The following EXT1 variants were observed in gnomAD, a reference collection of about 807,000 sequenced individuals.
The protein encoded by EXT1 is exostosin glycosyltransferase 1.
A neutral mutation model predicts 82.5 loss-of-function variants in EXT1; 20 were observed. The observed-to-expected ratio is 0.24, with a 90% confidence interval of 0.17 to 0.35. The LOEUF (loss-of-function observed/expected upper bound fraction) is 0.35. Among genes scored for constraint, EXT1 ranks in the 10% least tolerant of loss-of-function variants. EXT1 has a pLI of 1.00. For missense variants in EXT1, 757 were observed against 936.5 expected, an observed-to-expected ratio of 0.81 and a Z score of 2.50; for synonymous variants, 348 against 350.8, an observed-to-expected ratio of 0.99 and a Z score of 0.09.
At chr8:118,108,493 C>T (rs184728612) in intron 1 of EXT1, among the ~76,000 whole-genome samples, 217 of 152,326 alleles carry the variant, frequency 1.4e-3, no homozygotes, top group African/African-American at 5.0e-3. Flanking sequence ...CAGTTCATTA[C>T]TAACCATAGT....
chr8:117,883,980 T>A (rs1030288846), intron 1 of EXT1, among the ~76,000 whole-genome samples: 1 of 152,216 alleles, frequency 6.6e-6, no homozygotes, highest in African/African-American at 2.4e-5. Flanking sequence ...AACCAGCTTA[T>A]GAGTGTCACT....
chr8:117,878,080 C>T (rs973042278), intron 1 of EXT1, among the ~76,000 whole-genome samples: 1 of 152,136 alleles, frequency 6.6e-6, no homozygotes, highest in Non-Finnish European at 1.5e-5. Flanking sequence ...CCAGACCAGC[C>T]TGGCCAACAT....
intron 1 of EXT1, among the ~76,000 whole-genome samples, chr8:117,910,639 A>C (rs768619261): frequency 1.6e-3 from 240 of 152,172 alleles, no homozygotes; most frequent in Non-Finnish European, 2.9e-3. Flanking sequence ...TGAACAGAGA[A>C]TCAATTATAT....
chr8:117,878,255 C>T (rs1052404516), intron 1 of EXT1, among the ~76,000 whole-genome samples: 15 of 152,178 alleles, frequency 9.9e-5, no homozygotes, highest in Admixed American at 9.2e-4. Context: ...GCTTGGGCGA[C>T]AGAGTGTGAG....
intron 1 of EXT1, among the ~76,000 whole-genome samples, chr8:117,956,552 C>T (rs1260082487): frequency 6.6e-6 from 1 of 152,180 alleles, no homozygotes; most frequent in East Asian, 1.9e-4. Flanking sequence ...AAGCAATTCT[C>T]CTGCCTCAGC....
At chr8:117,887,931 C>G (rs981800965) in intron 1 of EXT1, among the ~76,000 whole-genome samples, 7 of 151,408 alleles carry the variant, frequency 4.6e-5, no homozygotes, top group African/African-American at 1.7e-4. Context: ...ACTAAAAATA[C>G]AAAATTAGCC....
At chr8:117,811,916 A>T (rs1823331951) in intron 8 of EXT1, among the ~76,000 whole-genome samples, 1 of 152,102 alleles carries the variant, frequency 6.6e-6, no homozygotes, top group African/African-American at 2.4e-5. Context: ...GTCAGGCCAC[A>T]TCTGTGGAAT....
intron 1 of EXT1, among the ~76,000 whole-genome samples, chr8:117,909,105 C>G (rs1167496070): frequency 6.7e-6 from 1 of 150,008 alleles, no homozygotes; most frequent in African/African-American, 2.4e-5. Flanking sequence ...GGACTCCAGC[C>G]TGGTCGACAG....
rs550578480 is a variant in EXT1 at position 117,850,127 on chromosome 8, C to T, written c.963-12926G>A. On this transcript the variant is annotated intron_variant, in intron 1 of 10. Transcript: ENST00000378204. ...TGGCTCAGAACTCTTGGCTACGGGGCCCTTAATGGGACAGCATTTCTGTCA... is the reference window on the plus strand; with the variant it reads ...TGGCTCAGAACTCTTGGCTACGGGGTCCTTAATGGGACAGCATTTCTGTCA... 1.3e-4 allele frequency among the ~76,000 whole-genome samples: 20 copies of T among 152,314 alleles called. No individual in the cohort carries two copies. The South Asian group carries it at 3.9e-3, about 30-fold the overall frequency.
intron 1 of EXT1, among the ~76,000 whole-genome samples, chr8:117,913,943 G>C (rs1436002923): frequency 6.6e-6 from 1 of 152,180 alleles, no homozygotes; most frequent in Non-Finnish European, 1.5e-5. Context: ...GCAGGCTTTA[G>C]CTCTAAAGTT....
At chr8:118,089,628 T>G (rs1563652493) in intron 1 of EXT1, among the ~76,000 whole-genome samples, 1 of 152,226 alleles carries the variant, frequency 6.6e-6, no homozygotes, top group Admixed American at 6.5e-5. Flanking sequence ...GTATTACTTT[T>G]GCAATCTAGA....
intron 1 of EXT1, among the ~76,000 whole-genome samples, chr8:117,942,839 T>C (rs1423023038): frequency 6.6e-6 from 1 of 152,176 alleles, no homozygotes; most frequent in Non-Finnish European, 1.5e-5. Context: ...TGATCCTAAT[T>C]CTACAAGTTG....
At position 117,809,212 on chromosome 8, in the gene EXT1, T is replaced by TAA. The variant is rs1449113634; in HGVS notation, c.1723-1836_1723-1835insTT. 2.7e-3 allele frequency among the ~76,000 whole-genome samples: 268 copies of TAA among 98,658 alleles called. 3 individuals are homozygous for TAA. Among genetic ancestry groups the TAA allele is most frequent in the Non-Finnish European group, 4.7e-3 (219 of 46,986 alleles). The allele number at this position is 98,658 out of a possible 152,430, so 64.7% of individuals were successfully genotyped here. On this transcript the variant is annotated intron_variant, in intron 8 of 10. Transcript: ENST00000378204. ...GTGTAGGTATATATATGTGTGTGTG[T>TAA]GTATAAATATATATATATATATATA...
intron 1 of EXT1, among the ~76,000 whole-genome samples, chr8:117,928,322 T>C (rs1193437881): frequency 2.0e-5 from 3 of 152,348 alleles, no homozygotes; most frequent in South Asian, 4.1e-4. Flanking sequence ...CCCAGCCTAT[T>C]ACCTTAAGTA....
At chr8:117,835,022 C>T (rs181613077) in intron 3 of EXT1, among the ~76,000 whole-genome samples, 6 of 152,152 alleles carry the variant, frequency 3.9e-5, no homozygotes, top group Admixed American at 6.5e-5. Flanking sequence ...ATTTGAGGAA[C>T]GATAACACTA....
At chr8:117,920,939 A>G (rs1198392061) in intron 1 of EXT1, among the ~76,000 whole-genome samples, 3 of 152,208 alleles carry the variant, frequency 2.0e-5, no homozygotes, top group African/African-American at 4.8e-5. Flanking sequence ...GCATGGATTT[A>G]CAAGACTCCC....
intron 8 of EXT1, among the ~76,000 whole-genome samples, chr8:117,811,128 G>T (rs955085375): frequency 6.6e-6 from 1 of 152,114 alleles, no homozygotes; most frequent in Admixed American, 6.5e-5. Flanking sequence ...GGAATCCAAA[G>T]TTCCTTCATT....
At chr8:117,883,663 A>C (rs1015525583) in intron 1 of EXT1, among the ~76,000 whole-genome samples, 1 of 152,198 alleles carries the variant, frequency 6.6e-6, no homozygotes, top group Non-Finnish European at 1.5e-5. Context: ...AACTAGAGCT[A>C]ATGTCAGCAA....
At chr8:118,032,231 C>T (rs371080026) in intron 1 of EXT1, among the ~76,000 whole-genome samples, 1 of 151,256 alleles carries the variant, frequency 6.6e-6, no homozygotes, top group Non-Finnish European at 1.5e-5. Flanking sequence ...CTGTAGTCCC[C>T]GGAGCAGAAA....
Sources: allele counts gnomAD v4.1 joint callset (sites outside exome capture counted in the v4.1 genomes callset), GRCh38; gene constraint gnomAD v4.1.1; transcripts MANE v1.5; gene names NCBI Gene and HGNC (gene_info 2026-07-23, HGNC 2026-07-21).